CDK8: variants seen among roughly 807,000 people sequenced by gnomAD.
CDK8 encodes the protein cyclin dependent kinase 8, also known as cyclin-dependent kinase 8.
CDK8 carries 29 observed loss-of-function variants against 71.5 expected under a neutral mutation model. That is an observed-to-expected ratio of 0.41 (90% CI 0.30 to 0.55). The LOEUF is 0.55. CDK8 is among the 20% of genes least tolerant of loss of function. CDK8 has a pLI of 0.37. For synonymous variants in CDK8, 161 were observed against 192.1 expected, an observed-to-expected ratio of 0.84 and a Z score of 1.34; for missense variants, 288 against 572.6, an observed-to-expected ratio of 0.50 and a Z score of 5.07.
intron 4 of CDK8, among the ~76,000 whole-genome samples, chr13:26,370,037 AC>A (rs1874593733): frequency 6.6e-6 from 1 of 152,080 alleles, no homozygotes; most frequent in Non-Finnish European, 1.5e-5. Flanking sequence ...TCACAGGACT[AC>A]CCCTAAGAAA....
intron 1 of CDK8, among the ~76,000 whole-genome samples, chr13:26,256,370 A>G (rs776816296): frequency 2.0e-5 from 3 of 152,192 alleles, no homozygotes; most frequent in African/African-American, 4.8e-5. Flanking sequence ...TTCCCCCAGT[A>G]TTATGTAATT....
At chr13:26,350,488 T>G (rs1331703759) in intron 3 of CDK8, among the ~76,000 whole-genome samples, 2 of 152,074 alleles carry the variant, frequency 1.3e-5, no homozygotes, top group Non-Finnish European at 2.9e-5. Flanking sequence ...TAAAAAAAAT[T>G]AGCTGGGCTC....
chr13:26,276,571 A>G (rs1872572028), intron 1 of CDK8, among the ~76,000 whole-genome samples: 1 of 152,176 alleles, frequency 6.6e-6, no homozygotes, highest in Non-Finnish European at 1.5e-5. Flanking sequence ...TATTTTTTTA[A>G]TTAATCTCTC....
Position 26,401,680 on chromosome 13 carries a change from G to A in CDK8, c.1269+56G>A. On this transcript the variant is annotated intron_variant, in intron 12 of 12. Transcript: ENST00000381527. The surrounding 1 kb of genome is among the most constrained non-coding windows in gnomAD (Gnocchi z 4.5). ...TGTCAGTGTTTACATATGGGTTTAT[G>A]ATCGTGGGAAAATGTGATTTAATTG... 6.4e-7 allele frequency: 1 copy of A among 1,551,836 alleles called. No individual in the cohort carries two copies. The highest frequency in any genetic ancestry group is 1.1e-5 in the South Asian group (1 of 89,468).
chr13:26,389,873 C>G (rs1384390317), intron 6 of CDK8, among the ~76,000 whole-genome samples: 1 of 152,090 alleles, frequency 6.6e-6, no homozygotes. Flanking sequence ...TGGCGGGCAC[C>G]TGTAATCCCA....
At chr13:26,392,095 C>T (rs1875771196) in intron 6 of CDK8, among the ~76,000 whole-genome samples, 1 of 152,120 alleles carries the variant, frequency 6.6e-6, no homozygotes, top group Non-Finnish European at 1.5e-5. Flanking sequence ...CTGCTATATG[C>T]ACACCATTGT....
At chr13:26,266,481 G>A (rs1872023381) in intron 1 of CDK8, among the ~76,000 whole-genome samples, 1 of 152,156 alleles carries the variant, frequency 6.6e-6, no homozygotes, top group Non-Finnish European at 1.5e-5. Flanking sequence ...CTTACTGGCT[G>A]TACAGGGCAG....
rs1373719870 is a variant in CDK8, at chr13:26,401,940, G to C, written c.1269+316G>C. ...TAGTAAAACCTAACTTGCAGCTGTT[G>C]TCAGATTAGACATGAAGTGGCTTGA... On this transcript the variant is annotated intron_variant, in intron 12 of 12. Coordinates refer to ENST00000381527, the MANE Select transcript of CDK8 (RefSeq NM_001260.3). This position sits in a 1 kb window ranked among gnomAD's most constrained non-coding sequence, Gnocchi z 4.5. 2.0e-5 allele frequency among the ~76,000 whole-genome samples: 3 copies of C among 152,210 alleles called. No individual in the cohort carries two copies. Among genetic ancestry groups the C allele is most frequent in the Non-Finnish European group, 4.4e-5 (3 of 68,036 alleles).
chr13:26,353,929 G>T (rs745497277), intron 4 of CDK8, 49 bp downstream of exon 4: 26 of 1,544,560 alleles, frequency 1.7e-5, no homozygotes, highest in Non-Finnish European at 2.2e-5. Context: ...ATTACAGTTG[G>T]ATACTTTTCT....
intron 1 of CDK8, among the ~76,000 whole-genome samples, chr13:26,314,754 C>T (rs1874432794): frequency 6.6e-6 from 1 of 152,106 alleles, no homozygotes; most frequent in Admixed American, 6.5e-5. Flanking sequence ...TCATTTTATT[C>T]GGATAACTGT....
chr13:26,274,565 G>A (rs1034433474), intron 1 of CDK8, among the ~76,000 whole-genome samples: 1 of 151,614 alleles, frequency 6.6e-6, no homozygotes, highest in Admixed American at 6.6e-5. Flanking sequence ...CCGAGTAGCT[G>A]GGACTACAGG....
chr13:26,255,140 TC>T (rs747727020), intron 1 of CDK8, among the ~76,000 whole-genome samples: 2 of 152,068 alleles, frequency 1.3e-5, no homozygotes, highest in Non-Finnish European at 2.9e-5. Flanking sequence ...TCTGGGGATT[TC>T]CTCACCCGCC....
At chr13:26,395,339 C>T (rs990093633) in intron 7 of CDK8, among the ~76,000 whole-genome samples, 3 of 151,758 alleles carry the variant, frequency 2.0e-5, no homozygotes, top group Non-Finnish European at 4.4e-5. Context: ...TAATGTATTA[C>T]AGGCATGGGA....
intron 2 of CDK8, among the ~76,000 whole-genome samples, chr13:26,347,639 T>C (rs1158708932): frequency 6.6e-6 from 1 of 152,150 alleles, no homozygotes; most frequent in African/African-American, 2.4e-5. Context: ...TAAATAGACA[T>C]TTCTCCAAAG....
intron 1 of CDK8, among the ~76,000 whole-genome samples, chr13:26,270,544 C>G (rs1236211617): frequency 1.4e-4 from 22 of 152,166 alleles, no homozygotes; most frequent in Non-Finnish European, 1.5e-5. Context: ...CTCCTTGTTT[C>G]CTCTAATCCT....
intron 1 of CDK8, among the ~76,000 whole-genome samples, chr13:26,320,925 G>A (rs115566950): frequency 0.048 from 7,361 of 152,204 alleles, 210 homozygotes; most frequent in South Asian, 0.11. Context: ...TGTTGGTGGT[G>A]ATGTTAAATA....
chr13:26,320,573 C>T (rs1273539067), intron 1 of CDK8, among the ~76,000 whole-genome samples: 1 of 152,070 alleles, frequency 6.6e-6, no homozygotes, highest in Non-Finnish European at 1.5e-5. Context: ...AAGACACTAT[C>T]AACACAGTAA....
At chr13:26,339,754 A>ATCTATATATAT (rs66521623) in intron 2 of CDK8, among the ~76,000 whole-genome samples, 3 of 129,350 alleles carry the variant, frequency 2.3e-5, no homozygotes, top group Non-Finnish European at 4.9e-5. Context: ...ACTTAAAAAA[A>ATCTATATATAT]AAATATATAT....
chr13:26,270,441 G>C (rs1340098512), intron 1 of CDK8, among the ~76,000 whole-genome samples: 1 of 150,258 alleles, frequency 6.7e-6, no homozygotes, highest in Non-Finnish European at 1.5e-5. Context: ...AGTGCTTTTT[G>C]ATATATTCAC....
Sources: gnomAD v4.1 joint callset for allele counts (sites outside exome capture counted in the v4.1 genomes callset) on GRCh38, gnomAD v4.1.1 for gene constraint, Gnocchi (gnomAD v3.1) non-coding constraint, MANE v1.5 for transcripts, NCBI Gene and HGNC (gene_info 2026-07-23, HGNC 2026-07-21) for gene names.